Variants in FARP1 observed in about 807,000 individuals in gnomAD.
FARP1 encodes FERM, ARHGEF and pleckstrin domain-containing protein 1.
Under a neutral mutation model 128.8 loss-of-function variants are expected in FARP1, and 52 were observed. The ratio of observed to expected loss-of-function variants is 0.40; its 90% CI spans 0.32 to 0.51. The LOEUF is 0.51. FARP1 is among the 20% of genes least tolerant of loss of function. FARP1 has a pLI of 0.45. For missense variants in FARP1, 1,333 were observed against 1,367.9 expected, an observed-to-expected ratio of 0.97 and a Z score of 0.40; for synonymous variants, 580 against 551.8, an observed-to-expected ratio of 1.05 and a Z score of -0.72.
intron 2 of FARP1, among the ~76,000 whole-genome samples, chr13:98,262,147 C>A (rs1883914177): frequency 6.6e-6 from 1 of 151,410 alleles, no homozygotes; most frequent in African/African-American, 2.4e-5. Flanking sequence ...TCCCAAGTAG[C>A]TGGGACTGCA....
chr13:98,321,178 G>A (rs1410970704), intron 2 of FARP1, among the ~76,000 whole-genome samples: 1 of 152,190 alleles, frequency 6.6e-6, no homozygotes, highest in Non-Finnish European at 1.5e-5. Context: ...GAAGAGCTGA[G>A]CTGTCACCAC....
chr13:98,343,819 G>C lies in FARP1; in HGVS notation c.229G>C (p.Glu77Gln). ...DAVCNHLNLV[E>Q]GDYFGLEFPD... ...AGTTTGCAACCACCTCAACCTCGTG[G>C]AAGGTGACTATTTTGGCCTCGAGTT... The change falls in exon 3 of 27, where the codon GAA becomes CAA. Residue 77 changes from glutamate to glutamine, a missense_variant. Transcript: ENST00000319562. The C allele has an allele frequency of 1.2e-6, 2 of 1,613,934 alleles. No homozygotes were observed. Among genetic ancestry groups the C allele is most frequent in the Non-Finnish European group, 1.7e-6 (2 of 1,179,974 alleles).
At chr13:98,246,678 A>G (rs1883086253) in intron 2 of FARP1, among the ~76,000 whole-genome samples, 1 of 152,168 alleles carries the variant, frequency 6.6e-6, no homozygotes, top group Non-Finnish European at 1.5e-5. Context: ...AAACAATGCT[A>G]TAAGGGAGGC....
chr13:98,173,317 AT>A (rs1429744133), intron 1 of FARP1, among the ~76,000 whole-genome samples: 4 of 152,144 alleles, frequency 2.6e-5, no homozygotes, highest in African/African-American at 9.7e-5. Context: ...GTTTTCTTCA[AT>A]TTTAGGTGGT....
chr13:98,335,692 G>A (rs532387117), intron 2 of FARP1, among the ~76,000 whole-genome samples: 2 of 152,290 alleles, frequency 1.3e-5, no homozygotes, highest in African/African-American at 4.8e-5. Flanking sequence ...GCCTCCTCAA[G>A]CCATCATAGT....
chr13:98,194,603 A>G (rs540819518), intron 1 of FARP1, among the ~76,000 whole-genome samples: 3 of 152,344 alleles, frequency 2.0e-5, no homozygotes, highest in East Asian at 1.9e-4. Flanking sequence ...CGGTGGGAAA[A>G]TAACAATTTA....
intron 1 of FARP1, among the ~76,000 whole-genome samples, chr13:98,162,666 C>G (rs1876969445): frequency 6.6e-6 from 1 of 152,136 alleles, no homozygotes; most frequent in African/African-American, 2.4e-5. Context: ...CTACTTTACC[C>G]TTCATCTACC....
chr13:98,427,838 G>C (rs1891845377), intron 17 of FARP1, among the ~76,000 whole-genome samples: 1 of 152,232 alleles, frequency 6.6e-6, no homozygotes, highest in South Asian at 2.1e-4. Flanking sequence ...CTCTGTGCAA[G>C]CAAAATAAAA....
At position 98,412,633 on chromosome 13, in the gene FARP1, T is replaced by C. The variant is rs544285668; in HGVS notation, c.1826+599T>C. On this transcript the variant is annotated intron_variant, in intron 16 of 26. Coordinates refer to ENST00000319562, the MANE Select transcript of FARP1 (RefSeq NM_005766.4). ...TAAGTGTCCATCAATAGCAGATTGG[T>C]TAAAAATTATCTTAAGCCTGTCCAT... Among the ~76,000 whole-genome samples, 180 of 152,338 alleles carry C rather than the reference T, an allele frequency of 1.2e-3. 1 individual carries two copies. The highest frequency in any genetic ancestry group is 6.8e-3 in the Middle Eastern group (2 of 292).
chr13:98,401,415 A>AACACACACACACACACACAGACACAC (rs1555291944), intron 13 of FARP1: 9 of 130,862 alleles, frequency 6.9e-5, no homozygotes, highest in Admixed American at 2.5e-4. Flanking sequence ...ATAATGACAA[A>AACACACACACACACACACAGACACAC]ACACACACAC....
intron 17 of FARP1, among the ~76,000 whole-genome samples, chr13:98,428,567 T>C (rs1449906219): frequency 2.0e-5 from 3 of 152,178 alleles, no homozygotes; most frequent in African/African-American, 7.2e-5. Context: ...CCTCCTGGTT[T>C]CTCTATGGTT....
rs563602368 is a variant in FARP1, at chr13:98,143,903, G to C, written c.-24+411G>C. ...GGCCGCAATCTCGGCCCCTGAGGCC[G>C]GTTGCGGGCCGGGGAGGTGGCCGCT... On this transcript the variant is annotated intron_variant, in intron 1 of 26. Transcript: ENST00000319562. Among the ~76,000 whole-genome samples, 38 of 151,946 alleles carry C rather than the reference G, an allele frequency of 2.5e-4. No individual in the cohort carries two copies. The South Asian group carries it at 7.4e-3, about 30-fold the overall frequency.
chr13:98,453,273 TA>T lies in FARP1; in HGVS notation c.*4957del. 6.6e-7 allele frequency: 1 copy of T among 1,515,470 alleles called. No homozygotes were observed. The highest frequency in any genetic ancestry group is 2.0e-5 in the Admixed American group (1 of 50,084). The allele number at this position is 1,515,470 out of a possible 1,614,324, so 93.9% of individuals were successfully genotyped here. ...TTTCTCATCCCTGTGCAAAAATTCA[TA>T]TAGTAACCAAAATCTTAGTTTTCAT... On this transcript the variant is annotated 3_prime_UTR_variant, in exon 27 of 27. Coordinates refer to ENST00000319562, the MANE Select transcript of FARP1 (RefSeq NM_005766.4).
At chr13:98,305,895 C>T (rs1430558862) in intron 2 of FARP1, among the ~76,000 whole-genome samples, 1 of 151,798 alleles carries the variant, frequency 6.6e-6, no homozygotes, top group East Asian at 1.9e-4. Context: ...CTTCATTGGC[C>T]AGTTTCCCTT....
At chr13:98,170,368 A>C (rs1877569403) in intron 1 of FARP1, among the ~76,000 whole-genome samples, 1 of 132,344 alleles carries the variant, frequency 7.6e-6, no homozygotes, top group Admixed American at 7.4e-5. Context: ...TTGTTTGTTT[A>C]TTTGTTGAGA....
intron 2 of FARP1, among the ~76,000 whole-genome samples, chr13:98,298,204 G>A (rs1885780532): frequency 1.3e-5 from 2 of 152,184 alleles, no homozygotes; most frequent in African/African-American, 4.8e-5. Context: ...TTCCTTTTTA[G>A]TTCCTTTAAC....
chr13:98,447,989 A>G, intron 26 of FARP1: 1 of 547,406 alleles, frequency 1.8e-6, no homozygotes. Context: ...AACTGCTCCA[A>G]TGGAGCGGGC....
At chr13:98,144,786 C>G (rs1875393519) in intron 1 of FARP1, among the ~76,000 whole-genome samples, 1 of 152,200 alleles carries the variant, frequency 6.6e-6, no homozygotes, top group Non-Finnish European at 1.5e-5. Context: ...TAAAAATTGG[C>G]TTCGTTGTTC....
At chr13:98,217,958 C>T (rs552981628) in intron 2 of FARP1, among the ~76,000 whole-genome samples, 6 of 152,238 alleles carry the variant, frequency 3.9e-5, no homozygotes, top group Admixed American at 6.5e-5. Context: ...GTCCCTTCCT[C>T]GTGTTTTCAC....
Sources: allele counts gnomAD v4.1 joint callset (sites outside exome capture counted in the v4.1 genomes callset), GRCh38; gene constraint gnomAD v4.1.1; transcripts MANE v1.5; gene names NCBI Gene and HGNC (gene_info 2026-07-23, HGNC 2026-07-21).